CELF1: variants seen among roughly 807,000 people sequenced by gnomAD.
The protein encoded by CELF1 is 50 kDa nuclear polyadenylated RNA-binding protein.
In CELF1, 10 loss-of-function variants were observed where a neutral mutation model predicts 61.8. That is an observed-to-expected ratio of 0.16 (90% confidence interval 0.10 to 0.27). CELF1 has a LOEUF of 0.27. Among genes scored for constraint, CELF1 ranks in the 10% least tolerant of loss-of-function variants. The pLI, the probability that CELF1 is intolerant of heterozygous loss-of-function variation, is 1.00. For synonymous variants in CELF1, 236 were observed against 225.1 expected, an observed-to-expected ratio of 1.05 and a Z score of -0.43; for missense variants, 380 against 639.1, an observed-to-expected ratio of 0.59 and a Z score of 4.37.
chr11:47,489,942 T>G (rs1315222996), intron 3 of CELF1, among the ~76,000 whole-genome samples: 2 of 114,782 alleles, frequency 1.7e-5, no homozygotes, highest in East Asian at 2.4e-4. Context: ...CTTGTTTTTT[T>G]TTTTTTTTTT....
intron 1 of CELF1, among the ~76,000 whole-genome samples, chr11:47,542,411 G>C (rs2096832262): frequency 6.6e-6 from 1 of 151,606 alleles, no homozygotes; most frequent in African/African-American, 2.4e-5. Flanking sequence ...ATATCTAAAA[G>C]TGGCACATCA....
chr11:47,496,036 A>G, intron 3 of CELF1: 1 of 983,924 alleles, frequency 1.0e-6, no homozygotes, highest in Non-Finnish European at 1.2e-6. Flanking sequence ...TGGCTCACAT[A>G]CAGTGCTGTG....
intron 1 of CELF1, among the ~76,000 whole-genome samples, chr11:47,528,890 C>CAA (rs112934426): frequency 1.4e-4 from 20 of 141,030 alleles, no homozygotes; most frequent in South Asian, 4.5e-4. Flanking sequence ...GACCCTGCCT[C>CAA]AAAAAAAAAA....
rs183171144 is a variant in CELF1, at chr11:47,565,505, T to G, written c.-361A>C. 1.2e-3 allele frequency: 1,134 copies of G among 912,646 alleles called. 14 individuals are homozygous for G. In the African/African-American group the frequency reaches 0.018, roughly 15 times the overall value. The allele number at this position is 912,646 out of a possible 1,614,324, so 56.5% of individuals were successfully genotyped here. A position where few individuals can be genotyped will look rare whatever the true frequency, so the allele number is the denominator to read the frequency against. On this transcript the variant is annotated 5_prime_UTR_variant, in exon 1 of 4. Coordinates refer to the CELF1 transcript ENST00000525841. ...CAGGCCAGTCCCCGCCGTCACCCGG[T>G]GCGAGCCCGCGAGAGGCCTAGTGCA...
At chr11:47,477,521 G>A (rs1377057173) in intron 10 of CELF1, 96 bp from the exon 11 acceptor site, 1 of 1,304,330 alleles carries the variant, frequency 7.7e-7, no homozygotes. Flanking sequence ...GCTGGTCCCT[G>A]ACAAAGAGGA....
chr11:47,495,879 C>A lies in CELF1; in HGVS notation c.71+3574G>T, dbSNP rs528551162. On this transcript the variant is annotated intron_variant, in intron 3 of 14. Transcript: ENST00000687097. ...GAAACCTTTCATTATTTTTTCACTC[C>A]CCCTTTCTCATTACCTGTTGACTTC... 17 of 503,544 alleles carry A rather than the reference C, an allele frequency of 3.4e-5. No homozygotes were observed. The East Asian group carries it at 2.4e-3, about 71-fold the overall frequency. 31.2% of individuals were successfully genotyped at this position (503,544 alleles called of 1,614,324 possible).
chr11:47,555,553 A>G (rs1275328482), upstream of CELF1, among the ~76,000 whole-genome samples: 1 of 152,224 alleles, frequency 6.6e-6, no homozygotes, highest in East Asian at 1.9e-4. Flanking sequence ...TTACATGAAG[A>G]ACACAAATAG....
chr11:47,563,793 G>A (rs2097234399), intron 2 of CELF1, among the ~76,000 whole-genome samples: 1 of 152,150 alleles, frequency 6.6e-6, no homozygotes, highest in African/African-American at 2.4e-5. Flanking sequence ...GGCCGAGGGG[G>A]ACGGATCTCC....
intron 1 of CELF1, among the ~76,000 whole-genome samples, chr11:47,528,284 C>T (rs747346252): frequency 6.6e-6 from 1 of 152,076 alleles, no homozygotes; most frequent in Non-Finnish European, 1.5e-5. Context: ...AGATCGGGGT[C>T]CATATGTATG....
In CELF1 at chr11:47,472,200, C is replaced by CT; in HGVS notation, c.*29dup. The CT allele has an allele frequency of 6.2e-7, 1 of 1,611,396 alleles. No individual in the cohort carries two copies. ...CTCCTCCCCCACTTACCAGAAGACC[C>CT]TCTCACTCCAGTCTCAGAGGGGAGC... On this transcript the variant is annotated 3_prime_UTR_variant, in exon 15 of 15. Transcript: ENST00000687097.
At chr11:47,488,799 T>C in intron 4 of CELF1, 38 bp downstream of exon 4, 2 of 1,387,914 alleles carry the variant, frequency 1.4e-6, no homozygotes, top group African/African-American at 1.5e-5. Flanking sequence ...TGAGAGTCAG[T>C]GGAAAAAATA....
chr11:47,541,710 G>T (rs1294494480), intron 1 of CELF1, among the ~76,000 whole-genome samples: 1 of 4,938 alleles, frequency 2.0e-4, no homozygotes, highest in South Asian at 0.014. Context: ...AAGAAAGAAA[G>T]AAAGAAAGAA....
In CELF1 at chr11:47,489,935, G is replaced by GTTTTTGT. The variant is rs1555170253; in HGVS notation, c.72-912_72-911insACAAAAA. On this transcript the variant is annotated intron_variant, in intron 3 of 14. Transcript: ENST00000687097. ...GTTTCCACTCAGAACATACCATCTTGTTTTTTTTTTTTTTTTTTTTGAGAC... is the reference window on the plus strand; with the variant it reads ...GTTTCCACTCAGAACATACCATCTTGTTTTTGTTTTTTTTTTTTTTTTTTTTTGAGAC... Among the ~76,000 whole-genome samples the GTTTTTGT allele has an allele frequency of 3.4e-3, 166 of 48,234 alleles. 15 individuals are homozygous for GTTTTTGT. The highest frequency in any genetic ancestry group is 0.013 in the African/African-American group (162 of 12,858). 31.6% of individuals were successfully genotyped at this position (48,234 alleles called of 152,430 possible).
chr11:47,493,742 T>C (rs1049773811), intron 3 of CELF1, among the ~76,000 whole-genome samples: 2 of 152,080 alleles, frequency 1.3e-5, no homozygotes, highest in Non-Finnish European at 2.9e-5. Context: ...GGGAGAGATA[T>C]GGTCCCTTAA....
intron 1 of CELF1, among the ~76,000 whole-genome samples, chr11:47,542,550 T>G (rs769413190): frequency 6.9e-6 from 1 of 145,792 alleles, no homozygotes; most frequent in East Asian, 2.0e-4. Context: ...CAGGCTGGAG[T>G]GTAGTGGCGT....
chr11:47,528,737 A>G (rs2096354226), intron 1 of CELF1, among the ~76,000 whole-genome samples: 1 of 152,066 alleles, frequency 6.6e-6, no homozygotes, highest in Non-Finnish European at 1.5e-5. Flanking sequence ...AAAAGCCACA[A>G]AAATTAGCCA....
chr11:47,519,713 A>G (rs557983355), intron 1 of CELF1, among the ~76,000 whole-genome samples: 1 of 152,092 alleles, frequency 6.6e-6, no homozygotes, highest in East Asian at 1.9e-4. Context: ...GAAAATAAAA[A>G]TTAGCTGGGC....
rs1329535732 is a variant in CELF1, at chr11:47,482,211, T to TAAAA, written c.768+483_768+484insTTTT. On this transcript the variant is annotated intron_variant, in intron 9 of 14. Transcript: ENST00000687097. ...GTGAGTGAGACTCCGTCTCAAAAAA[T>TAAAA]AAATAAATAAATAAATAAATAAAGC... 8.0e-5 allele frequency among the ~76,000 whole-genome samples: 12 copies of TAAAA among 150,786 alleles called. No individual in the cohort carries two copies. The South Asian group carries it at 1.1e-3, about 13-fold the overall frequency.
At chr11:47,519,441 C>T (rs1006481803) in intron 1 of CELF1, among the ~76,000 whole-genome samples, 16 of 151,852 alleles carry the variant, frequency 1.1e-4, no homozygotes, top group South Asian at 2.1e-4. Context: ...GATCACACCA[C>T]TGCACTCCAG....
Sources: allele counts gnomAD v4.1 joint callset (sites outside exome capture counted in the v4.1 genomes callset), GRCh38; gene constraint gnomAD v4.1.1; transcripts MANE v1.5; gene names NCBI Gene and HGNC (gene_info 2026-07-23, HGNC 2026-07-21).